Variants in SGCG observed in about 807,000 individuals in gnomAD.
SGCG encodes sarcoglycan gamma, also known as gamma-sarcoglycan.
A neutral mutation model predicts 29.3 loss-of-function variants in SGCG; 26 were observed. The observed-to-expected ratio is 0.89, with a 90% CI of 0.65 to 1.23. The LOEUF is 1.23. Among genes scored for constraint, SGCG ranks in the 50% most tolerant of loss-of-function variants. The pLI, the probability that SGCG is intolerant of heterozygous loss-of-function variation, is 0.00. For synonymous variants in SGCG, 145 were observed against 129.7 expected (o/e 1.12, Z -0.80); for missense variants, 353 against 356.0 (o/e 0.99, Z 0.07).
the SGCG span, among the ~76,000 whole-genome samples, chr13:23,168,377 T>C: frequency 6.6e-6 from 1 of 152,188 alleles, no homozygotes; most frequent in East Asian, 1.9e-4. Flanking sequence ...AACTATAATA[T>C]AAGCTCTAAG....
At chr13:23,212,189 G>A (rs1317781404) in intron 2 of SGCG, among the ~76,000 whole-genome samples, 3 of 152,146 alleles carry the variant, frequency 2.0e-5, no homozygotes, top group South Asian at 2.1e-4. Context: ...GTAGAACCAT[G>A]AGCCAGTTAA....
chr13:23,266,053 T>C (rs1880626816), intron 4 of SGCG, among the ~76,000 whole-genome samples: 2 of 151,992 alleles, frequency 1.3e-5, no homozygotes, highest in Admixed American at 1.3e-4. Context: ...GAATATGTGA[T>C]ATACCTGAGG....
intron 2 of SGCG, among the ~76,000 whole-genome samples, chr13:23,220,179 G>T (rs9510632): frequency 0.079 from 12,044 of 152,120 alleles, 585 homozygotes; most frequent in South Asian, 0.1. Flanking sequence ...ATGGCTGGGC[G>T]CAGTGGCTCA....
the SGCG span, among the ~76,000 whole-genome samples, chr13:23,174,260 G>A: frequency 6.6e-6 from 1 of 152,208 alleles, no homozygotes; most frequent in African/African-American, 2.4e-5. Context: ...GATGGGGACA[G>A]GAAGAGGGAG....
Position 23,324,489 on chromosome 13 carries a change from CTG to C in SGCG, c.827_828del (p.Val276GlyfsTer42), listed in dbSNP as rs747378865. The C allele has an allele frequency of 6.2e-7, 1 of 1,613,638 alleles. No homozygotes were observed. The highest frequency in any genetic ancestry group is 8.5e-7 in the Non-Finnish European group (1 of 1,180,020). Reference sequence around the variant, plus strand: ...TGTCCAGATGGGAAGCTGTACCTGTCTGTGGCCGGTGTGAGCACCACGTGCCA... The same window carrying C: ...TGTCCAGATGGGAAGCTGTACCTGTCTGGCCGGTGTGAGCACCACGTGCCA... On this transcript the variant is annotated frameshift_variant, in exon 8 of 8. Transcript: ENST00000218867. LOFTEE classifies it high-confidence loss of function.
At chr13:23,266,756 CT>C (rs1194715439) in intron 4 of SGCG, among the ~76,000 whole-genome samples, 1 of 152,128 alleles carries the variant, frequency 6.6e-6, no homozygotes, top group African/African-American at 2.4e-5. Context: ...CTCTCTCTTG[CT>C]TCTGTTCTTG....
intron 1 of SGCG, among the ~76,000 whole-genome samples, chr13:23,196,990 C>A (rs1358005151): frequency 6.6e-6 from 1 of 152,186 alleles, no homozygotes; most frequent in Non-Finnish European, 1.5e-5. Flanking sequence ...CCTGCCAGCT[C>A]ACCTCCTGGA....
chr13:23,234,353 A>G (rs1879225630), intron 2 of SGCG, among the ~76,000 whole-genome samples: 1 of 152,094 alleles, frequency 6.6e-6, no homozygotes, highest in South Asian at 2.1e-4. Context: ...TTTTTCTTAC[A>G]TGGTGATGGG....
intron 6 of SGCG, among the ~76,000 whole-genome samples, chr13:23,302,533 A>T (rs974563432): frequency 6.6e-6 from 1 of 152,104 alleles, no homozygotes; most frequent in East Asian, 1.9e-4. Flanking sequence ...ACATAAAGAA[A>T]TCATAAATGC....
chr13:23,266,546 AG>A (rs1013516462), intron 4 of SGCG, among the ~76,000 whole-genome samples: 2 of 152,086 alleles, frequency 1.3e-5, no homozygotes, highest in African/African-American at 4.8e-5. Context: ...GGCTCAGAAG[AG>A]GGGAAAGTGG....
chr13:23,270,393 T>C (rs1326929522), intron 4 of SGCG, among the ~76,000 whole-genome samples: 1 of 152,202 alleles, frequency 6.6e-6, no homozygotes, highest in Non-Finnish European at 1.5e-5. Context: ...AAATGGCATG[T>C]CAGTGTTGCT....
rs115920585 is a variant in SGCG, at chr13:23,301,611, G to A, written c.578+6124G>A. 8.5e-3 allele frequency among the ~76,000 whole-genome samples: 1,298 copies of A among 152,290 alleles called. 23 individuals are homozygous for A. The highest frequency in any genetic ancestry group is 0.03 in the African/African-American group (1,226 of 41,552). ...CATTAATAAGAATCAATGGGGTCCG[G>A]CGCGGTGGCTCACGCCTGTAATCCC... On this transcript the variant is annotated intron_variant, in intron 6 of 7. Coordinates refer to ENST00000218867, the MANE Select transcript of SGCG (RefSeq NM_000231.3).
intron 5 of SGCG, among the ~76,000 whole-genome samples, chr13:23,284,449 C>G (rs964712044): frequency 6.6e-6 from 1 of 152,122 alleles, no homozygotes; most frequent in Non-Finnish European, 1.5e-5. Context: ...GTGTTTTCAG[C>G]TCCATCAGGT....
chr13:23,202,539 GAAGACTGGAGGAGTTCA>G (rs1877808317), intron 1 of SGCG, among the ~76,000 whole-genome samples: 1 of 152,142 alleles, frequency 6.6e-6, no homozygotes, highest in Admixed American at 6.5e-5. Context: ...CTAATATAAG[GAAGACTGGAGGAGTTCA>G]AAGAAATGAG....
intron 2 of SGCG, among the ~76,000 whole-genome samples, chr13:23,232,158 G>GC (rs757858817): frequency 2.6e-5 from 4 of 151,372 alleles, no homozygotes; most frequent in Non-Finnish European, 4.4e-5. Context: ...CATCTACCCA[G>GC]TATGGGAGGT....
At chr13:23,183,902 G>A (rs896406236) in intron 1 of SGCG, among the ~76,000 whole-genome samples, 2 of 152,136 alleles carry the variant, frequency 1.3e-5, no homozygotes, top group South Asian at 2.1e-4. Flanking sequence ...TGCTGACCTC[G>A]TGATCCACCC....
At chr13:23,236,260 T>C (rs1207037645) in intron 3 of SGCG, among the ~76,000 whole-genome samples, 1 of 152,202 alleles carries the variant, frequency 6.6e-6, no homozygotes, top group Non-Finnish European at 1.5e-5. Context: ...GGTCTTCTTT[T>C]TTCCCCAGAG....
chr13:23,319,071 G>A (rs1228006882), intron 6 of SGCG, among the ~76,000 whole-genome samples: 1 of 152,152 alleles, frequency 6.6e-6, no homozygotes, highest in South Asian at 2.1e-4. Flanking sequence ...AGGCCAAGGC[G>A]GGTGGATCCC....
intron 1 of SGCG, among the ~76,000 whole-genome samples, chr13:23,195,113 A>G (rs992833336): frequency 6.6e-6 from 1 of 152,188 alleles, no homozygotes; most frequent in Non-Finnish European, 1.5e-5. Flanking sequence ...CCAAATAACA[A>G]CCGGTCTTGG....
Sources: gnomAD v4.1 joint callset for allele counts (sites outside exome capture counted in the v4.1 genomes callset) on GRCh38, gnomAD v4.1.1 for gene constraint, MANE v1.5 for transcripts, NCBI Gene and HGNC (gene_info 2026-07-23, HGNC 2026-07-21) for gene names.